The following BMPER variants were observed in gnomAD, a reference collection of about 807,000 sequenced individuals.
BMPER encodes BMP-binding endothelial regulator protein.
BMPER carries 45 observed loss-of-function variants against 87.3 expected under a neutral mutation model. The observed-to-expected ratio is 0.52, with a 90% confidence interval of 0.41 to 0.66. The LOEUF is 0.66. Among genes scored for constraint, BMPER ranks in the 30% least tolerant of loss-of-function variants. BMPER has a pLI of 0.00. For synonymous variants in BMPER, 326 were observed against 316.2 expected (o/e 1.03, Z -0.33); for missense variants, 784 against 867.5 (o/e 0.90, Z 1.21).
chr7:33,933,798 C>T (rs1051902939), intron 2 of BMPER, among the ~76,000 whole-genome samples: 3 of 152,286 alleles, frequency 2.0e-5, no homozygotes, highest in Non-Finnish European at 4.4e-5. Flanking sequence ...TTGTTCTCTT[C>T]TGCATCCTGA....
intron 14 of BMPER, 125 bp downstream of exon 14, chr7:34,143,485 C>T (rs1790931627): frequency 2.1e-6 from 3 of 1,410,992 alleles, no homozygotes; most frequent in Admixed American, 3.9e-5. Flanking sequence ...AAATCCCTTC[C>T]AGTAGCCCAT....
intron 2 of BMPER, among the ~76,000 whole-genome samples, chr7:33,912,237 T>C (rs893609062): frequency 7.9e-5 from 12 of 152,186 alleles, no homozygotes; most frequent in Admixed American, 2.0e-4. Context: ...GTACTTTTAT[T>C]GGCAGAGGGA....
chr7:34,115,156 A>G (rs916029723), intron 13 of BMPER, among the ~76,000 whole-genome samples: 2 of 152,222 alleles, frequency 1.3e-5, no homozygotes, highest in African/African-American at 4.8e-5. Flanking sequence ...AGGTGCTGGA[A>G]TTCCAGTAGA....
intron 6 of BMPER, among the ~76,000 whole-genome samples, chr7:33,980,969 A>C (rs865972120): frequency 6.6e-6 from 1 of 152,202 alleles, no homozygotes; most frequent in Non-Finnish European, 1.5e-5. Flanking sequence ...AAGCAAAGAA[A>C]ATGGAGATCC....
chr7:34,141,056 G>A (rs1790853293), intron 13 of BMPER, among the ~76,000 whole-genome samples: 1 of 152,154 alleles, frequency 6.6e-6, no homozygotes, highest in Non-Finnish European at 1.5e-5. Flanking sequence ...AGCCGAAAAT[G>A]TCGCTGTGAA....
chr7:34,033,719 C>G (rs1022614186), intron 6 of BMPER, among the ~76,000 whole-genome samples: 1 of 152,196 alleles, frequency 6.6e-6, no homozygotes, highest in Non-Finnish European at 1.5e-5. Flanking sequence ...ACCACAGAAG[C>G]CTTGACATCT....
At chr7:34,077,338 C>T (rs763023723) in intron 11 of BMPER, among the ~76,000 whole-genome samples, 3 of 151,834 alleles carry the variant, frequency 2.0e-5, no homozygotes, top group African/African-American at 4.8e-5. Context: ...AGCAACACAC[C>T]GTGTAAAATT....
chr7:33,962,749 T>A (rs1169008610), intron 3 of BMPER, among the ~76,000 whole-genome samples: 1 of 152,232 alleles, frequency 6.6e-6, no homozygotes, highest in Non-Finnish European at 1.5e-5. Context: ...AAATGCTTTT[T>A]GTCACTAGAA....
chr7:34,099,893 T>A, intron 13 of BMPER, among the ~76,000 whole-genome samples: 1 of 72,566 alleles, frequency 1.4e-5, no homozygotes, highest in African/African-American at 4.1e-5. Flanking sequence ...AGTCACAGTT[T>A]GTTTTTTTTT....
intron 11 of BMPER, among the ~76,000 whole-genome samples, chr7:34,070,752 C>G (rs1436533067): frequency 6.6e-6 from 1 of 151,146 alleles, no homozygotes. Flanking sequence ...CCTTAATATG[C>G]TGACGTGCAT....
chr7:33,981,363 C>T (rs1349068508), intron 6 of BMPER, among the ~76,000 whole-genome samples: 6 of 152,270 alleles, frequency 3.9e-5, no homozygotes, highest in East Asian at 1.9e-4. Context: ...TCCTTCCCAT[C>T]GCTCCTATAC....
upstream of BMPER, chr7:33,905,419 G>GCCCCCCCCCCCCCCCCCCCCCC: frequency 4.5e-5 from 5 of 110,386 alleles, no homozygotes; most frequent in South Asian, 5.5e-4. Context: ...CTCCCCGGGC[G>GCCCCCCCCCCCCCCCCCCCCCC]CCCCCACACC....
chr7:33,946,254 A>G (rs574218833), intron 3 of BMPER, among the ~76,000 whole-genome samples: 20 of 152,256 alleles, frequency 1.3e-4, no homozygotes, highest in Middle Eastern at 3.4e-3. Context: ...CCATGATTCA[A>G]TTACTTCCCA....
intron 6 of BMPER, among the ~76,000 whole-genome samples, chr7:33,975,590 C>G (rs1305479085): frequency 6.6e-6 from 1 of 152,242 alleles, no homozygotes; most frequent in East Asian, 1.9e-4. Flanking sequence ...GATGGGGAAT[C>G]TAGTCTTAAC....
chr7:34,022,152 T>TAGGA (rs1211146928), intron 6 of BMPER, among the ~76,000 whole-genome samples: 1 of 152,098 alleles, frequency 6.6e-6, no homozygotes, highest in African/African-American at 2.4e-5. Flanking sequence ...ATGGGCCTTT[T>TAGGA]AGGAATTCTT....
At position 34,143,379 on chromosome 7, in the gene BMPER, A is replaced by G; in HGVS notation, c.1876+19A>G. 1 of 1,613,554 alleles carries G rather than the reference A, an allele frequency of 6.2e-7. No individual in the cohort carries two copies. The highest frequency in any genetic ancestry group is 8.5e-7 in the Non-Finnish European group (1 of 1,179,706). On this transcript the variant is annotated intron_variant, in intron 14 of 14. Transcript: ENST00000649409. ...TGTGCAGGTAAGAAAGTCCTGCTGG[A>G]TCTACCCATCAAAAGTTTACTGCAA...
intron 8 of BMPER, among the ~76,000 whole-genome samples, chr7:34,053,165 G>A (rs1249067209): frequency 1.3e-5 from 2 of 152,156 alleles, no homozygotes; most frequent in African/African-American, 4.8e-5. Context: ...AGATGATTAG[G>A]TAATACGTCT....
intron 3 of BMPER, among the ~76,000 whole-genome samples, chr7:33,937,743 T>TTGTTGGA (rs1784643156): frequency 6.6e-6 from 1 of 152,154 alleles, no homozygotes; most frequent in African/African-American, 2.4e-5. Flanking sequence ...GTTTCAACAC[T>TTGTTGGA]CAGTTTTTCC....
At chr7:34,054,805 G>T (rs569054108) in intron 8 of BMPER, among the ~76,000 whole-genome samples, 1 of 152,332 alleles carries the variant, frequency 6.6e-6, no homozygotes, top group East Asian at 1.9e-4. Flanking sequence ...AGCACTATTA[G>T]TGCAGGTTGC....
Sources: allele counts gnomAD v4.1 joint callset (sites outside exome capture counted in the v4.1 genomes callset), GRCh38; gene constraint gnomAD v4.1.1; transcripts MANE v1.5; gene names NCBI Gene and HGNC (gene_info 2026-07-23, HGNC 2026-07-21).